NCKAP1L: variants seen among roughly 807,000 people sequenced by gnomAD.
NCKAP1L encodes the protein NCK associated protein 1 like.
NCKAP1L carries 53 observed loss-of-function variants against 139.2 expected under a neutral mutation model. The ratio of observed to expected loss-of-function variants is 0.38; its 90% confidence interval spans 0.31 to 0.48. NCKAP1L has a LOEUF of 0.48. NCKAP1L is among the 20% of genes least tolerant of loss of function. The probability of loss-of-function intolerance (pLI) is 0.98; values close to 1 mark genes in which losing one functional copy is unlikely to be tolerated. For missense variants in NCKAP1L, 1,151 were observed against 1,381.9 expected, an observed-to-expected ratio of 0.83 and a Z score of 2.65; for synonymous variants, 468 against 499.7, an observed-to-expected ratio of 0.94 and a Z score of 0.85.
At chr12:54,506,796 A>AAAAAAAAAAAAAATATATAT in intron 3 of NCKAP1L, among the ~76,000 whole-genome samples, 2 of 50,604 alleles carry the variant, frequency 4.0e-5, no homozygotes, top group East Asian at 1.1e-3. Context: ...AAAAAAAAAA[A>AAAAAAAAAAAAAATATATAT]ATATATATAT....
At chr12:54,506,602 A>T (rs1249380) in intron 3 of NCKAP1L, among the ~76,000 whole-genome samples, 126,193 of 144,442 alleles carry the variant, frequency 0.87, 55,018 homozygotes, top group East Asian at 0.96. Context: ...AATTTTTTTT[A>T]TTTTTATTTT....
chr12:54,538,747 A>T, intron 29 of NCKAP1L, 137 bp from the exon 30 acceptor site: 1 of 672,368 alleles, frequency 1.5e-6, no homozygotes, highest in Non-Finnish European at 2.6e-6. Context: ...GAGATTTGCC[A>T]CTTTCCCACC....
rs764165748 is a variant in NCKAP1L, at chr12:54,511,834, T to C, written c.767T>C (p.Met256Thr). 3 of 1,614,098 alleles carry C rather than the reference T, an allele frequency of 1.9e-6. No homozygotes were observed. The highest frequency in any genetic ancestry group is 1.7e-6 in the Non-Finnish European group (2 of 1,180,036). The stretch of plus-strand genomic sequence containing the variant: ...TGTGAGTATCTGTCTGTGGAAGTAA[T>C]GGAGCGCTGGATTATCAGTAAGTTT... ...MACEYLSVEV[M>T]ERWIIIGFLL... Residue 256 changes from methionine to threonine, a missense_variant, in exon 8 of 31, where the codon ATG (methionine) becomes ACG (threonine). Transcript: ENST00000293373.
chr12:54,526,846 C>T, intron 21 of NCKAP1L, 100 bp downstream of exon 21: 2 of 914,226 alleles, frequency 2.2e-6, no homozygotes, highest in Admixed American at 2.1e-5. Context: ...CTCCCAGGGT[C>T]ATAGACTCCA....
chr12:54,542,536 C>T lies in NCKAP1L; in HGVS notation c.3274-39C>T, dbSNP rs555427338. On this transcript the variant is annotated intron_variant, in intron 30 of 30. Coordinates refer to ENST00000293373, the MANE Select transcript of NCKAP1L (RefSeq NM_005337.5). The stretch of plus-strand genomic sequence containing the variant: ...GAACAGGGTATCACAGACAAATGCC[C>T]TACCTGAGGTTCTCATCTCTTGGCC... 13 of 1,466,854 alleles carry T rather than the reference C, an allele frequency of 8.9e-6. No homozygotes were observed. In the African/African-American group the frequency reaches 1.4e-4, roughly 16 times the overall value. The allele number at this position is 1,466,854 out of a possible 1,614,324, so 90.9% of individuals were successfully genotyped here. A position where few individuals can be genotyped will look rare whatever the true frequency, so the allele number is the denominator to read the frequency against.
intron 3 of NCKAP1L, chr12:54,500,864 G>C (rs1012523058): frequency 1.2e-5 from 4 of 323,606 alleles, no homozygotes; most frequent in East Asian, 5.9e-5. Context: ...ATCTAGGAAA[G>C]ATCTGGACTA....
chr12:54,498,104 A>T (rs7305527), intron 1 of NCKAP1L, among the ~76,000 whole-genome samples: 54,703 of 151,624 alleles, frequency 0.36, 10,203 homozygotes, highest in African/African-American at 0.43. Context: ...TCTAGATATG[A>T]TTCTTGCCCC....
intron 27 of NCKAP1L, among the ~76,000 whole-genome samples, chr12:54,535,493 T>A (rs556086033): frequency 6.6e-6 from 1 of 152,326 alleles, no homozygotes; most frequent in South Asian, 2.1e-4. Context: ...CAAAGCCATT[T>A]ACAATCTGGT....
intron 20 of NCKAP1L, 52 bp downstream of exon 20, chr12:54,524,008 A>G (rs777747653): frequency 6.4e-7 from 1 of 1,570,014 alleles, no homozygotes; most frequent in South Asian, 1.2e-5. Context: ...ATACCCTACC[A>G]TATACCTCTA....
Position 54,531,318 on chromosome 12 carries a change from C to T in NCKAP1L, c.2565C>T (p.Asn855=), listed in dbSNP as rs1330427240. Residue 855 remains asparagine (N), a synonymous_variant, in exon 23 of 31, where the codon AAC becomes AAT. Coordinates refer to ENST00000293373, the MANE Select transcript of NCKAP1L (RefSeq NM_005337.5). Reference sequence around the variant, plus strand: ...ATGGCATGAAGTTCCTGAGTGAAAACCTGATGTGGCATGTGACCTCTCAGA... The same window carrying T: ...ATGGCATGAAGTTCCTGAGTGAAAATCTGATGTGGCATGTGACCTCTCAGA... ...GPYGMKFLSE[N]LMWHVTSQIV... 1.2e-6 allele frequency: 2 copies of T among 1,614,098 alleles called. No homozygotes were observed. Among genetic ancestry groups the T allele is most frequent in the Non-Finnish European group, 1.7e-6 (2 of 1,179,996 alleles).
chr12:54,509,164 C>G (rs1221172690), intron 5 of NCKAP1L, among the ~76,000 whole-genome samples: 1 of 151,852 alleles, frequency 6.6e-6, no homozygotes, highest in East Asian at 1.9e-4. Context: ...CAGTTCTGTC[C>G]CCCTCCATTA....
In NCKAP1L at chr12:54,514,927, G is replaced by A. The variant is rs988663535; in HGVS notation, c.942-1312G>A. Among the ~76,000 whole-genome samples, 13 of 152,348 alleles carry A rather than the reference G, an allele frequency of 8.5e-5. No individual in the cohort carries two copies. The East Asian group carries it at 1.2e-3, about 14-fold the overall frequency. On this transcript the variant is annotated intron_variant, in intron 9 of 30. Transcript: ENST00000293373. Reference sequence around the variant, plus strand: ...CTTCTAAGGAATGGAAGAGATGTTCGAAGGGTGTTCAGTTCTCCATCACTA... The same window carrying A: ...CTTCTAAGGAATGGAAGAGATGTTCAAAGGGTGTTCAGTTCTCCATCACTA...
chr12:54,501,758 G>A (rs1027487202), intron 3 of NCKAP1L, among the ~76,000 whole-genome samples: 11 of 152,054 alleles, frequency 7.2e-5, no homozygotes, highest in East Asian at 1.9e-4. Flanking sequence ...CACCCACCTC[G>A]GCCTCCCAAA....
Position 54,512,124 on chromosome 12 carries a change from A to T in NCKAP1L, c.941+19A>T, listed in dbSNP as rs1956893881. On this transcript the variant is annotated intron_variant, in intron 9 of 30. Coordinates refer to ENST00000293373, the MANE Select transcript of NCKAP1L (RefSeq NM_005337.5). ...TGAAAGGGTGAGAGACACGAGAGCC[A>T]AACTGATCTTCCTTGAATAGTTTTT... 6.2e-7 allele frequency: 1 copy of T among 1,612,486 alleles called. No homozygotes were observed. Among genetic ancestry groups the T allele is most frequent in the Non-Finnish European group, 8.5e-7 (1 of 1,179,248 alleles).
chr12:54,509,823 A>G, intron 6 of NCKAP1L, 25 bp from the exon 7 acceptor site: 1 of 1,614,136 alleles, frequency 6.2e-7, no homozygotes, highest in Non-Finnish European at 8.5e-7. Context: ...ATTGCCGCTA[A>G]GGTTTCATTT....
chr12:54,508,441 C>T lies in NCKAP1L; in HGVS notation c.416C>T (p.Thr139Ile). 6.2e-7 allele frequency: 1 copy of T among 1,613,940 alleles called. No homozygotes were observed. Among genetic ancestry groups the T allele is most frequent in the Non-Finnish European group, 8.5e-7 (1 of 1,179,832 alleles). The change falls in exon 5 of 31, where the codon ACC becomes ATC. Residue 139 changes from threonine to isoleucine, a missense_variant. Transcript: ENST00000293373. ...RSYLDLIVTY[T>I]SVILLLSRIE... The stretch of plus-strand genomic sequence containing the variant: ...TACCTGGACTTGATTGTAACTTACA[C>T]CTCAGTCATTTTACTTCTGTCACGG...
chr12:54,497,952 G>A, intron 1 of NCKAP1L, 61 bp downstream of exon 1: 1 of 1,070,080 alleles, frequency 9.3e-7, no homozygotes, highest in Non-Finnish European at 1.5e-6. Context: ...AGGGAACCCT[G>A]AGGCGGCAGG....
intron 18 of NCKAP1L, 101 bp downstream of exon 18, chr12:54,521,339 T>A: frequency 6.6e-7 from 1 of 1,518,042 alleles, no homozygotes; most frequent in South Asian, 1.2e-5. Context: ...GCTCAGTAAC[T>A]CTTTCTCTGA....
At chr12:54,538,778 T>C in intron 29 of NCKAP1L, 106 bp from the exon 30 acceptor site, 1 of 825,654 alleles carries the variant, frequency 1.2e-6, no homozygotes, top group East Asian at 2.7e-5. Flanking sequence ...AGGAACATTC[T>C]AGCACTTCTT....
Sources: gnomAD v4.1 joint callset for allele counts (sites outside exome capture counted in the v4.1 genomes callset) on GRCh38, gnomAD v4.1.1 for gene constraint, MANE v1.5 for transcripts, NCBI Gene and HGNC (gene_info 2026-07-23, HGNC 2026-07-21) for gene names.